The following CSMD1 variants were observed in gnomAD, a reference collection of about 807,000 sequenced individuals.
CSMD1 encodes CUB and Sushi multiple domains 1.
A neutral mutation model predicts 417.5 loss-of-function variants in CSMD1; 213 were observed. That is an observed-to-expected ratio of 0.51 (90% confidence interval 0.46 to 0.57). The LOEUF (loss-of-function observed/expected upper bound fraction) is 0.57. CSMD1 is among the 20% of genes least tolerant of loss of function. The pLI is 0.00. For synonymous variants in CSMD1, 2,862 were observed against 1,736.8 expected (o/e 1.65, Z -16.11); for missense variants, 6,923 against 4,529.7 (o/e 1.53, Z -15.17).
intron 39 of CSMD1, among the ~76,000 whole-genome samples, chr8:3,156,090 T>A (rs1374442943): frequency 6.6e-6 from 1 of 152,228 alleles, no homozygotes; most frequent in Non-Finnish European, 1.5e-5. Context: ...CGAAATGAAT[T>A]CTAAACAGAA....
At chr8:4,370,617 G>A (rs1347073538) in intron 3 of CSMD1, among the ~76,000 whole-genome samples, 2 of 152,162 alleles carry the variant, frequency 1.3e-5, no homozygotes, top group East Asian at 3.9e-4. Context: ...ATTTTTGGAA[G>A]TTTTGTCCAT....
intron 26 of CSMD1, among the ~76,000 whole-genome samples, chr8:3,235,410 T>C (rs2116934210): frequency 6.6e-6 from 1 of 152,306 alleles, no homozygotes; most frequent in East Asian, 1.9e-4. Context: ...TTAACGGATA[T>C]ATCAGCCTTG....
At chr8:4,598,503 C>T (rs1448451236) in intron 2 of CSMD1, among the ~76,000 whole-genome samples, 2 of 152,126 alleles carry the variant, frequency 1.3e-5, no homozygotes, top group African/African-American at 4.8e-5. Context: ...TACCAAACTC[C>T]AGCTACAGGT....
intron 15 of CSMD1, among the ~76,000 whole-genome samples, chr8:3,404,465 A>T (rs1447238165): frequency 6.6e-6 from 1 of 152,020 alleles, no homozygotes; most frequent in African/African-American, 2.4e-5. Flanking sequence ...GTCATGGAGG[A>T]GTTTAATGCT....
chr8:4,639,153 G>T (rs1234295140), intron 1 of CSMD1, among the ~76,000 whole-genome samples: 1 of 151,968 alleles, frequency 6.6e-6, no homozygotes, highest in Non-Finnish European at 1.5e-5. Context: ...ACTTTGCAGG[G>T]TGATTCCCTA....
intron 1 of CSMD1, among the ~76,000 whole-genome samples, chr8:4,766,072 A>C (rs1812442550): frequency 6.6e-6 from 1 of 152,218 alleles, no homozygotes; most frequent in Non-Finnish European, 1.5e-5. Context: ...AGCTAGAAGA[A>C]AGACATTTTT....
At chr8:4,090,138 A>C (rs1800639621) in intron 3 of CSMD1, among the ~76,000 whole-genome samples, 1 of 152,204 alleles carries the variant, frequency 6.6e-6, no homozygotes, top group Admixed American at 6.5e-5. Flanking sequence ...TCATTAATAG[A>C]ATACAGTCTT....
At chr8:4,992,244 C>A (rs1367768905) in intron 1 of CSMD1, among the ~76,000 whole-genome samples, 1 of 152,130 alleles carries the variant, frequency 6.6e-6, no homozygotes, top group African/African-American at 2.4e-5. Context: ...TCCGCCTCAG[C>A]CTCATCCTAG....
intron 25 of CSMD1, among the ~76,000 whole-genome samples, chr8:3,304,737 AT>A (rs1174603281): frequency 4.6e-5 from 6 of 130,628 alleles, no homozygotes; most frequent in African/African-American, 1.1e-4. Context: ...TCTCTTTTTA[AT>A]TTTTTTTATT....
intron 7 of CSMD1, among the ~76,000 whole-genome samples, chr8:3,707,611 A>ATG (rs1246687304): frequency 2.0e-5 from 3 of 152,198 alleles, no homozygotes; most frequent in African/African-American, 7.2e-5. Flanking sequence ...GGTACCCAGT[A>ATG]ACTGTTATGA....
At chr8:3,191,306 A>G (rs1320207660) in intron 33 of CSMD1, among the ~76,000 whole-genome samples, 1 of 152,046 alleles carries the variant, frequency 6.6e-6, no homozygotes, top group Non-Finnish European at 1.5e-5. Context: ...AAATACAAAA[A>G]TTAGCCGGGC....
At chr8:3,206,477 T>TTC (rs1797280308) in intron 30 of CSMD1, among the ~76,000 whole-genome samples, 8 of 19,686 alleles carry the variant, frequency 4.1e-4, no homozygotes, top group South Asian at 1.1e-3. Context: ...GTTATGTCTG[T>TTC]GCGTGTATGT....
At chr8:3,161,784 T>C (rs983536400) in intron 38 of CSMD1, among the ~76,000 whole-genome samples, 3 of 152,282 alleles carry the variant, frequency 2.0e-5, no homozygotes, top group Non-Finnish European at 1.5e-5. Context: ...TACTGAATGA[T>C]GAGAACAGTT....
At chr8:4,314,386 G>C (rs893854810) in intron 3 of CSMD1, among the ~76,000 whole-genome samples, 2 of 152,202 alleles carry the variant, frequency 1.3e-5, no homozygotes, top group Non-Finnish European at 2.9e-5. Flanking sequence ...CAGGGCCAGA[G>C]TTCACAGGCA....
chr8:4,830,746 T>G (rs974034109), intron 1 of CSMD1, among the ~76,000 whole-genome samples: 6 of 152,184 alleles, frequency 3.9e-5, no homozygotes, highest in African/African-American at 1.4e-4. Flanking sequence ...ATTGGAACCA[T>G]TGGACTTTAA....
At chr8:4,835,534 G>A (rs114605052) in intron 1 of CSMD1, among the ~76,000 whole-genome samples, 2,153 of 152,286 alleles carry the variant, frequency 0.014, 44 homozygotes, top group African/African-American at 0.048. Flanking sequence ...TGGACAGTCA[G>A]CAACCTGAGG....
intron 23 of CSMD1, among the ~76,000 whole-genome samples, chr8:3,326,049 C>T (rs1173497259): frequency 6.6e-6 from 1 of 152,142 alleles, no homozygotes; most frequent in Non-Finnish European, 1.5e-5. Context: ...AGCGGTCACC[C>T]GGGTGATCAC....
intron 3 of CSMD1, among the ~76,000 whole-genome samples, chr8:4,084,244 C>T (rs1298462977): frequency 7.1e-6 from 1 of 141,780 alleles, no homozygotes; most frequent in East Asian, 2.1e-4. Flanking sequence ...TCCCTTACTA[C>T]AAAATAAATA....
chr8:4,016,200 G>C (rs563294191), intron 4 of CSMD1, among the ~76,000 whole-genome samples: 2 of 152,272 alleles, frequency 1.3e-5, no homozygotes, highest in Non-Finnish European at 2.9e-5. Flanking sequence ...GAGAGGTTTA[G>C]TCTAAGTAAA....
Sources: gnomAD v4.1 joint callset for allele counts (sites outside exome capture counted in the v4.1 genomes callset) on GRCh38, gnomAD v4.1.1 for gene constraint, MANE v1.5 for transcripts, NCBI Gene and HGNC (gene_info 2026-07-23, HGNC 2026-07-21) for gene names.